The following SPTBN4 variants were observed in gnomAD, a reference collection of about 807,000 sequenced individuals.
The protein encoded by SPTBN4 is spectrin beta chain, non-erythrocytic 4.
In SPTBN4, 96 loss-of-function variants were observed where a neutral mutation model predicts 277.8. That is an observed-to-expected ratio of 0.35 (90% CI 0.29 to 0.41). The LOEUF is 0.41. Ranked by LOEUF, SPTBN4 falls within the 10% of genes least tolerant of loss-of-function variation. The pLI is 1.00. For missense variants in SPTBN4, 3,006 were observed against 3,595.7 expected (o/e 0.84, Z 4.19); for synonymous variants, 1,481 against 1,580.3 (o/e 0.94, Z 1.49).
At chr19:40,566,071 C>A in intron 29 of SPTBN4, 92 bp from the exon 30 acceptor site, 1 of 1,335,780 alleles carries the variant, frequency 7.5e-7, no homozygotes, top group Non-Finnish European at 1.0e-6. Flanking sequence ...GTATGGAAAG[C>A]CGGAGGGGTG....
chr19:40,556,157 C>T lies in SPTBN4; in HGVS notation c.5158C>T (p.Arg1720Trp), dbSNP rs1040923096. ...VALKELGEER[R>W]VALEQQYWLY... ...GCTCAAGGAGCTGGGTGAGGAGCGCCGGGTGGCTCTGGAACAGCAGTACTG... is the reference window on the plus strand; with the variant it reads ...GCTCAAGGAGCTGGGTGAGGAGCGCTGGGTGGCTCTGGAACAGCAGTACTG... The change falls in exon 25 of 36, where the codon CGG (arginine) becomes TGG (tryptophan). Residue 1720 changes from arginine to tryptophan, a missense_variant. Physicochemically the swap from Arg to Trp is moderately radical, Grantham distance 101 (BLOSUM62 -3). Around this residue, in one of 5 missense-constraint regions of SPTBN4, gnomAD observed 425 missense variants for 594.7 expected, o/e 0.71. Coordinates refer to ENST00000598249, the MANE Select transcript of SPTBN4 (RefSeq NM_020971.3). 3.7e-6 allele frequency: 6 copies of T among 1,613,130 alleles called. No individual in the cohort carries two copies. The highest frequency in any genetic ancestry group is 1.8e-4 in the Middle Eastern group (1 of 5,454).
chr19:40,497,480 C>G lies in SPTBN4; in HGVS notation c.669-9C>G. 6.2e-7 allele frequency: 1 copy of G among 1,609,344 alleles called. No individual in the cohort carries two copies. ...GCCTGCTGCCTGCCTGCTCTGTGCC[C>G]CTGCCCAGGCCTGATCTCGTGGACT... On this transcript the variant is annotated splice_polypyrimidine_tract_variant and intron_variant, in intron 6 of 35. Transcript: ENST00000598249.
intron 20 of SPTBN4, among the ~76,000 whole-genome samples, chr19:40,547,284 G>T (rs1236855065): frequency 6.7e-6 from 1 of 150,212 alleles, no homozygotes; most frequent in African/African-American, 2.4e-5. Context: ...GTGGTGTTTG[G>T]TTTTCTGTCC....
intron 2 of SPTBN4, among the ~76,000 whole-genome samples, chr19:40,474,621 G>A (rs10422337): frequency 3.3e-5 from 5 of 151,020 alleles, no homozygotes; most frequent in South Asian, 2.1e-4. Flanking sequence ...TTTTTTTGGC[G>A]AAGCATGGTG....
rs752911458 is a variant in SPTBN4 at position 40,554,686 on chromosome 19, A to T, written c.5084+40A>T. 1 of 1,587,824 alleles carries T rather than the reference A, an allele frequency of 6.3e-7. No individual in the cohort carries two copies. Among genetic ancestry groups the T allele is most frequent in the Non-Finnish European group, 8.6e-7 (1 of 1,168,108 alleles). ...GGCCAGTTCACAGGAATGGTCCAGC[A>T]GGACCTGAAGCTTCGCTGTTGGGAG... On this transcript the variant is annotated intron_variant, in intron 24 of 35. Coordinates refer to ENST00000598249, the MANE Select transcript of SPTBN4 (RefSeq NM_020971.3). The surrounding 1 kb of genome is among the most constrained non-coding windows in gnomAD (Gnocchi z 5.7).
chr19:40,518,905 T>C (rs1304616124), intron 15 of SPTBN4, among the ~76,000 whole-genome samples: 1 of 152,136 alleles, frequency 6.6e-6, no homozygotes, highest in African/African-American at 2.4e-5. Flanking sequence ...AGATCTCACG[T>C]CTTAAAAAAA....
intron 20 of SPTBN4, among the ~76,000 whole-genome samples, chr19:40,542,522 T>G (rs536618330): frequency 6.6e-6 from 1 of 152,070 alleles, no homozygotes; most frequent in Admixed American, 6.6e-5. Context: ...GGGGGACTGG[T>G]CTCCTGCCAG....
chr19:40,534,360 C>T lies in SPTBN4; in HGVS notation c.4359+17C>T. 6.2e-7 allele frequency: 1 copy of T among 1,610,010 alleles called. No homozygotes were observed. The highest frequency in any genetic ancestry group is 8.5e-7 in the Non-Finnish European group (1 of 1,178,092). On this transcript the variant is annotated intron_variant, in intron 20 of 35. Coordinates refer to ENST00000598249, the MANE Select transcript of SPTBN4 (RefSeq NM_020971.3). ...AAGCTGCAGGTATGGTCTTCCTGGC[C>T]CAGATGAGGGCTCCCTATGCCACAT...
intron 22 of SPTBN4, among the ~76,000 whole-genome samples, chr19:40,550,735 G>T (rs1419807560): frequency 6.6e-6 from 1 of 151,944 alleles, no homozygotes; most frequent in Non-Finnish European, 1.5e-5. Flanking sequence ...GCCAGGCTGG[G>T]CTCGAACTCC....
rs1159849490 is a variant in SPTBN4 at position 40,519,980 on chromosome 19, C to T, written c.3483C>T (p.Gly1161=). ...GCGAGGCGCTGCTGGCCGCCGACGG[C>T]GCAGAGCTGGGCCCGGGCCTGGCAC... is the stretch of plus-strand genomic sequence containing the variant. ...AASEALLAAD[G]AELGPGLALD... is the part of the protein sequence containing the mutation. Residue 1161 remains glycine, a synonymous_variant, in exon 16 of 36, where the codon GGC becomes GGT. Coordinates refer to ENST00000598249, the MANE Select transcript of SPTBN4 (RefSeq NM_020971.3). This position sits in a 1 kb window ranked among gnomAD's most constrained non-coding sequence, Gnocchi z 5.7. 1.3e-6 allele frequency: 2 copies of T among 1,550,416 alleles called. No individual in the cohort carries two copies. Among genetic ancestry groups the T allele is most frequent in the African/African-American group, 1.4e-5 (1 of 70,840 alleles).
At chr19:40,542,652 C>T (rs2080814750) in intron 20 of SPTBN4, among the ~76,000 whole-genome samples, 1 of 151,914 alleles carries the variant, frequency 6.6e-6, no homozygotes, top group African/African-American at 2.4e-5. Context: ...AAACACCCTC[C>T]TCCCCCCTGT....
intron 1 of SPTBN4, among the ~76,000 whole-genome samples, chr19:40,470,971 A>G (rs2079878481): frequency 2.7e-5 from 4 of 147,860 alleles, no homozygotes; most frequent in Non-Finnish European, 5.9e-5. Flanking sequence ...TTTTTTTGAG[A>G]CGGAGTCTTG....
In SPTBN4 at chr19:40,502,064, A is replaced by C; in HGVS notation, c.897+31A>C. ...AGGAGCCAAGGAGTGGGTGAGTGGGAAGCTGGAAGCTGGTGGCAGGCACGG... is the reference window on the plus strand; with the variant it reads ...AGGAGCCAAGGAGTGGGTGAGTGGGCAGCTGGAAGCTGGTGGCAGGCACGG... On this transcript the variant is annotated intron_variant, in intron 8 of 35. Coordinates refer to ENST00000598249, the MANE Select transcript of SPTBN4 (RefSeq NM_020971.3). This position sits in a 1 kb window ranked among gnomAD's most constrained non-coding sequence, Gnocchi z 4.9. The C allele has an allele frequency of 6.2e-7, 1 of 1,613,842 alleles. No individual in the cohort carries two copies. The highest frequency in any genetic ancestry group is 8.5e-7 in the Non-Finnish European group (1 of 1,179,938).
At chr19:40,529,281 TCTC>T (rs1190019217) in intron 18 of SPTBN4, 150 bp downstream of exon 18, 64 of 702,498 alleles carry the variant, frequency 9.1e-5, no homozygotes, top group Admixed American at 2.6e-4. Flanking sequence ...CGGAGCCGGG[TCTC>T]AGTGCGCATG....
chr19:40,503,051 T>G (rs1443072098), intron 11 of SPTBN4, 118 bp downstream of exon 11: 4 of 1,293,058 alleles, frequency 3.1e-6, no homozygotes, highest in Admixed American at 2.6e-5. Flanking sequence ...ATTAGTCTCC[T>G]GGTGATAAAT....
intron 34 of SPTBN4, 30 bp from the exon 35 acceptor site, chr19:40,572,308 A>G (rs1395161825): frequency 1.2e-6 from 2 of 1,613,350 alleles, no homozygotes; most frequent in Non-Finnish European, 1.7e-6. Flanking sequence ...CCTTCCCCAG[A>G]TCTCTGAAGT....
rs1424405240 is a variant in SPTBN4, at chr19:40,549,298, A to G, written c.4469A>G (p.Gln1490Arg). ...AGCAAGGAGCTGGTGGGTGAGCGGC[A>G]GAACGCGGTGGGCGAGCGCCTGGTG... ...PASKELVGER[Q>R]NAVGERLVRL... is the part of the protein sequence containing the mutation. Residue 1490 changes from glutamine (Q) to arginine (R), a missense_variant, in exon 21 of 36, where the codon CAG (glutamine) becomes CGG (arginine). This residue lies in a region of SPTBN4 where 1,759 missense variants were observed against 2,061.5 expected (regional missense o/e 0.85). Transcript: ENST00000598249. The G allele has an allele frequency of 6.5e-7, 1 of 1,542,734 alleles. No individual in the cohort carries two copies. The highest frequency in any genetic ancestry group is 2.0e-5 in the Admixed American group (1 of 50,910).
In SPTBN4 at chr19:40,565,271, A is replaced by AAAAAGAAAAGAAAAG. The variant is rs368076001; in HGVS notation, c.5916-138_5916-124dup. 2.2e-5 allele frequency: 22 copies of AAAAAGAAAAGAAAAG among 980,284 alleles called. No individual in the cohort carries two copies. In the East Asian group the frequency reaches 5.4e-4, roughly 24 times the overall value. 60.7% of individuals were successfully genotyped at this position (980,284 alleles called of 1,614,324 possible). On this transcript the variant is annotated intron_variant, in intron 27 of 35. Coordinates refer to ENST00000598249, the MANE Select transcript of SPTBN4 (RefSeq NM_020971.3). ...TAGGGTGAGACTTTATCTCAAAAAA[A>AAAAAGAAAAGAAAAG]AAAAGAAAAGAAAAGAAAAGAAAAG...
intron 25 of SPTBN4, among the ~76,000 whole-genome samples, chr19:40,556,708 T>C (rs1191980317): frequency 6.6e-6 from 1 of 152,064 alleles, no homozygotes; most frequent in Non-Finnish European, 1.5e-5. Flanking sequence ...GGTGGATCAC[T>C]TGAGGTCAGG....
Sources: gnomAD v4.1 joint callset for allele counts (sites outside exome capture counted in the v4.1 genomes callset) on GRCh38, gnomAD v4.1.1 for gene constraint, gnomAD v4.1.1 regional missense constraint, Gnocchi (gnomAD v3.1) non-coding constraint, MANE v1.5 for transcripts, NCBI Gene and HGNC (gene_info 2026-07-23, HGNC 2026-07-21) for gene names.